The following TSC22D1 variants were observed in gnomAD, a reference collection of about 807,000 sequenced individuals.
TSC22D1 encodes the protein TSC22 domain family member 1.
In TSC22D1, 9 loss-of-function variants were observed where a neutral mutation model predicts 74.2. That is an observed-to-expected ratio of 0.12 (90% confidence interval 0.07 to 0.21). The LOEUF is 0.21. TSC22D1 is among the 10% of genes least tolerant of loss of function. The pLI, the probability that TSC22D1 is intolerant of heterozygous loss-of-function variation, is 1.00. For missense variants in TSC22D1, 1,427 were observed against 1,304.7 expected (o/e 1.09, Z -1.44); for synonymous variants, 586 against 492.5 (o/e 1.19, Z -2.51).
At chr13:44,499,248 CA>C (rs1879114763) in intron 1 of TSC22D1, among the ~76,000 whole-genome samples, 1 of 152,128 alleles carries the variant, frequency 6.6e-6, no homozygotes, top group Non-Finnish European at 1.5e-5. Context: ...GAATATTTTT[CA>C]AAGAAAGTAT....
At chr13:44,499,947 C>T (rs1471361702) in intron 1 of TSC22D1, among the ~76,000 whole-genome samples, 1 of 151,714 alleles carries the variant, frequency 6.6e-6, no homozygotes, top group Non-Finnish European at 1.5e-5. Context: ...ATTAGCCAGG[C>T]GTGGTGGCAG....
intron 1 of TSC22D1, among the ~76,000 whole-genome samples, chr13:44,507,803 G>A (rs373406721): frequency 6.6e-6 from 1 of 152,126 alleles, no homozygotes; most frequent in Non-Finnish European, 1.5e-5. Flanking sequence ...TCATTCTCCC[G>A]AATCTTTGGC....
At chr13:44,487,334 A>T (rs1878475150) in intron 1 of TSC22D1, among the ~76,000 whole-genome samples, 1 of 151,762 alleles carries the variant, frequency 6.6e-6, no homozygotes, top group Non-Finnish European at 1.5e-5. Context: ...CCCTGTCTCT[A>T]CTAAAAATAC....
intron 1 of TSC22D1, among the ~76,000 whole-genome samples, chr13:44,512,646 G>C (rs1246056084): frequency 7.4e-6 from 1 of 135,392 alleles, no homozygotes. Flanking sequence ...GAATTCCTTA[G>C]TAAAAGCAAT....
intron 1 of TSC22D1, among the ~76,000 whole-genome samples, chr13:44,495,357 TGA>T (rs893105677): frequency 8.7e-5 from 13 of 148,984 alleles, no homozygotes; most frequent in African/African-American, 3.2e-4. Context: ...CTTTTAAAAA[TGA>T]GAGAGAAATT....
chr13:44,434,448 C>T lies in TSC22D1; in HGVS notation c.*178G>A. 1 of 1,358,442 alleles carries T rather than the reference C, an allele frequency of 7.4e-7. No individual in the cohort carries two copies. The highest frequency in any genetic ancestry group is 9.4e-7 in the Non-Finnish European group (1 of 1,063,390). The allele number at this position is 1,358,442 out of a possible 1,614,324, so 84.1% of individuals were successfully genotyped here. ...TAATTCACCCAACTAAGAAATTTCT[C>T]CAAGCCATAAGCATATGAGTGTTTA... On this transcript the variant is annotated 3_prime_UTR_variant, in exon 3 of 3. Transcript: ENST00000458659.
intron 1 of TSC22D1, chr13:44,451,371 C>G (rs543212504): frequency 6.6e-6 from 1 of 152,334 alleles, no homozygotes; most frequent in African/African-American, 2.4e-5. Context: ...AAACAGCCTC[C>G]ACTCCAAGGC....
intron 1 of TSC22D1, among the ~76,000 whole-genome samples, chr13:44,565,908 G>A (rs1324813497): frequency 6.6e-6 from 1 of 152,118 alleles, no homozygotes; most frequent in African/African-American, 2.4e-5. Flanking sequence ...TGCTGCAAAA[G>A]CTGATCTAAA....
At chr13:44,472,550 C>T (rs777345619) in intron 1 of TSC22D1, among the ~76,000 whole-genome samples, 8 of 152,120 alleles carry the variant, frequency 5.3e-5, no homozygotes, top group Non-Finnish European at 7.3e-5. Context: ...AAAGCATAGT[C>T]CTCGCCTGTA....
At chr13:44,496,404 C>T (rs1878979335) in intron 1 of TSC22D1, among the ~76,000 whole-genome samples, 1 of 151,972 alleles carries the variant, frequency 6.6e-6, no homozygotes, top group Non-Finnish European at 1.5e-5. Flanking sequence ...GTGGGGTGGC[C>T]GGGTGTGGTG....
At chr13:44,519,308 G>A (rs1001633997) in intron 1 of TSC22D1, among the ~76,000 whole-genome samples, 2 of 152,026 alleles carry the variant, frequency 1.3e-5, no homozygotes, top group Non-Finnish European at 2.9e-5. Context: ...AAAATTCAAT[G>A]TATGAAGGGT....
At chr13:44,513,841 T>C (rs907241613) in intron 1 of TSC22D1, among the ~76,000 whole-genome samples, 1 of 152,188 alleles carries the variant, frequency 6.6e-6, no homozygotes, top group Non-Finnish European at 1.5e-5. Flanking sequence ...AGAATTCAGA[T>C]GACAAGTTAC....
chr13:44,520,182 G>A (rs1055688608), intron 1 of TSC22D1, among the ~76,000 whole-genome samples: 11 of 152,128 alleles, frequency 7.2e-5, no homozygotes, highest in Non-Finnish European at 2.9e-5. Flanking sequence ...GATAACCAAG[G>A]ACCCTGCCTA....
chr13:44,434,968 T>C (rs895681228), intron 2 of TSC22D1, 85 bp from the exon 3 acceptor site: 3 of 1,171,772 alleles, frequency 2.6e-6, no homozygotes, highest in African/African-American at 1.5e-5. Context: ...TTTACATGGA[T>C]CTCCCTAACT....
At chr13:44,519,992 A>G (rs1301514618) in intron 1 of TSC22D1, among the ~76,000 whole-genome samples, 2 of 152,140 alleles carry the variant, frequency 1.3e-5, no homozygotes, top group African/African-American at 4.8e-5. Context: ...CCAAAAGAAA[A>G]CCAGATTTGA....
intron 1 of TSC22D1, among the ~76,000 whole-genome samples, chr13:44,535,393 C>G (rs1231858494): frequency 6.6e-6 from 1 of 151,948 alleles, no homozygotes; most frequent in Non-Finnish European, 1.5e-5. Context: ...TGAAACAAGT[C>G]TTTCACATTT....
In TSC22D1 at chr13:44,549,791, A is replaced by G. The variant is rs112220727; in HGVS notation, c.2912+23372T>C. 1.8e-3 allele frequency among the ~76,000 whole-genome samples: 274 copies of G among 151,482 alleles called. 1 individual carries two copies. The highest frequency in any genetic ancestry group is 5.0e-3 in the African/African-American group (206 of 41,310). On this transcript the variant is annotated intron_variant, in intron 1 of 2. Transcript: ENST00000458659. ...CAAAAAAAAAGAAAAAAAAAAAAAA[A>G]AAGAAGAAGGCGGCGGCGGCAAGAA...
intron 1 of TSC22D1, among the ~76,000 whole-genome samples, chr13:44,544,790 C>G (rs191713993): frequency 6.1e-4 from 93 of 152,036 alleles, no homozygotes; most frequent in Non-Finnish European, 4.1e-4. Context: ...TCAAGTTAGT[C>G]CACTAGATAT....
At chr13:44,524,373 A>T (rs965309046) in intron 1 of TSC22D1, among the ~76,000 whole-genome samples, 1 of 152,216 alleles carries the variant, frequency 6.6e-6, no homozygotes, top group Non-Finnish European at 1.5e-5. Context: ...AAAACTAAAG[A>T]AACAAGCAAA....
Sources: gnomAD v4.1 joint callset for allele counts (sites outside exome capture counted in the v4.1 genomes callset) on GRCh38, gnomAD v4.1.1 for gene constraint, MANE v1.5 for transcripts, NCBI Gene and HGNC (gene_info 2026-07-23, HGNC 2026-07-21) for gene names.